FBXL5: variants seen among roughly 807,000 people sequenced by gnomAD.
The protein encoded by FBXL5 is F-box and leucine rich repeat protein 5, also known as F-box/LRR-repeat protein 5.
FBXL5 carries 26 observed loss-of-function variants against 78.3 expected under a neutral mutation model. That is an observed-to-expected ratio of 0.33 (90% CI 0.24 to 0.46). FBXL5 has a LOEUF of 0.46. Ranked by LOEUF, FBXL5 falls within the 20% of genes least tolerant of loss-of-function variation. FBXL5 has a pLI of 1.00. For missense variants in FBXL5, 710 were observed against 829.2 expected (o/e 0.86, Z 1.77); for synonymous variants, 295 against 282.5 (o/e 1.04, Z -0.45).
chr4:15,641,566 T>A (rs1020247187), intron 2 of FBXL5: 1 of 455,774 alleles, frequency 2.2e-6, no homozygotes, highest in Non-Finnish European at 4.4e-6. Context: ...ATATAATACA[T>A]GAAATAATTG....
rs995655210 is a variant in FBXL5 at position 15,625,477 on chromosome 4, G to A, written c.1625C>T (p.Ala542Val). The A allele has an allele frequency of 1.9e-6, 3 of 1,613,882 alleles. No homozygotes were observed. The highest frequency in any genetic ancestry group is 1.1e-5 in the South Asian group (1 of 91,058). ...AAATGAGTGACCACAATACGCAAAG[G>A]CTGGAGAAGCACAATGCTGCTGCCA... is the stretch of plus-strand genomic sequence containing the variant. Reference protein sequence around the residue: ...VCWQQHCASPAFAYCGHSFCC... With the variant: ...VCWQQHCASPVFAYCGHSFCC... The change falls in exon 9 of 11, where the codon GCC (alanine) becomes GTC (valine). Residue 542 changes from alanine (A) to valine (V), a missense_variant. Ala to Val is a moderately conservative substitution (Grantham distance 64). This residue lies in a region of FBXL5 where 517 missense variants were observed against 542.9 expected (regional missense o/e 0.95). Coordinates refer to ENST00000341285, the MANE Select transcript of FBXL5 (RefSeq NM_012161.4).
At chr4:15,680,387 G>C (rs1254914450) in intron 1 of FBXL5, among the ~76,000 whole-genome samples, 3 of 152,180 alleles carry the variant, frequency 2.0e-5, no homozygotes. Flanking sequence ...TCCAGTGGGA[G>C]AGGCTGGGTG....
intron 1 of FBXL5, among the ~76,000 whole-genome samples, chr4:15,679,100 C>T (rs1226298400): frequency 7.1e-6 from 1 of 141,626 alleles, no homozygotes; most frequent in Non-Finnish European, 1.5e-5. Flanking sequence ...GAGTCTCACT[C>T]TCACCAGGCT....
At position 15,625,812 on chromosome 4, in the gene FBXL5, C is replaced by G. The variant is rs77675463; in HGVS notation, c.1290G>C (p.Ala430=). The G allele has an allele frequency of 4.3e-6, 7 of 1,614,016 alleles. No homozygotes were observed. The highest frequency in any genetic ancestry group is 1.1e-5 in the South Asian group (1 of 91,072). Residue 430 remains alanine (A), a synonymous_variant, in exon 9 of 11, where the codon GCG becomes GCC. Coordinates refer to ENST00000341285, the MANE Select transcript of FBXL5 (RefSeq NM_012161.4). The part of the protein sequence containing the change: ...KTSTSKITST[A]WKNKDITMQS... ...GCATGGTAATGTCTTTATTTTTCCA[C>G]GCAGTTGAAGTAATTTTGCTTGTAG...
At chr4:15,680,842 G>A (rs73243135) in intron 1 of FBXL5, among the ~76,000 whole-genome samples, 13,943 of 150,014 alleles carry the variant, frequency 0.093, 791 homozygotes, top group Non-Finnish European at 0.13. Context: ...CCCTGTTTAA[G>A]GTAGAATTTA....
chr4:15,655,170 A>G (rs1283138082), intron 1 of FBXL5, 34 bp downstream of exon 1: 1 of 1,362,214 alleles, frequency 7.3e-7, no homozygotes, highest in South Asian at 1.4e-5. Context: ...CGCCGCCCGC[A>G]CCGCCCACAG....
At chr4:15,612,924 A>G (rs925319769) in intron 9 of FBXL5, among the ~76,000 whole-genome samples, 6 of 152,232 alleles carry the variant, frequency 3.9e-5, no homozygotes, top group African/African-American at 9.6e-5. Flanking sequence ...AGCATTATTC[A>G]TAACAGTTAG....
chr4:15,679,557 A>G (rs1379196644), intron 1 of FBXL5, among the ~76,000 whole-genome samples: 2 of 131,570 alleles, frequency 1.5e-5, no homozygotes, highest in African/African-American at 5.7e-5. Context: ...GGTACAGTTC[A>G]GGAACAAAAA....
chr4:15,614,524 T>C (rs1033306716), intron 9 of FBXL5, among the ~76,000 whole-genome samples: 8 of 152,104 alleles, frequency 5.3e-5, no homozygotes, highest in African/African-American at 1.4e-4. Context: ...GGCAGGGCCA[T>C]AGAGCTCCCA....
chr4:15,607,434 T>C (rs1266969894), intron 10 of FBXL5, among the ~76,000 whole-genome samples: 1 of 152,178 alleles, frequency 6.6e-6, no homozygotes, highest in East Asian at 1.9e-4. Context: ...TTTGTTAAAA[T>C]TATTTTCCCT....
At chr4:15,634,021 A>G (rs1713965112) in intron 5 of FBXL5, among the ~76,000 whole-genome samples, 1 of 152,172 alleles carries the variant, frequency 6.6e-6, no homozygotes. Flanking sequence ...GTGCTTAGCA[A>G]CAACCCTGGC....
chr4:15,661,092 T>G (rs1212148529), upstream of FBXL5, among the ~76,000 whole-genome samples: 1 of 151,728 alleles, frequency 6.6e-6, no homozygotes, highest in Non-Finnish European at 1.5e-5. Flanking sequence ...AAAAAAAAAG[T>G]TAGGTAACCT....
chr4:15,667,134 G>T (rs1717580579), intron 1 of FBXL5, among the ~76,000 whole-genome samples: 1 of 152,124 alleles, frequency 6.6e-6, no homozygotes, highest in Non-Finnish European at 1.5e-5. Context: ...CACCTTTAAT[G>T]ATTTGAATCA....
intron 1 of FBXL5, among the ~76,000 whole-genome samples, chr4:15,681,085 G>A (rs1036032638): frequency 6.6e-6 from 1 of 151,808 alleles, no homozygotes; most frequent in African/African-American, 2.4e-5. Context: ...TTAGAGGACA[G>A]AAATATACAT....
At chr4:15,634,830 G>A (rs1005172229) in intron 5 of FBXL5, among the ~76,000 whole-genome samples, 1 of 152,034 alleles carries the variant, frequency 6.6e-6, no homozygotes, top group Non-Finnish European at 1.5e-5. Flanking sequence ...ATCAAATCGT[G>A]ACATAATTCT....
intron 1 of FBXL5, among the ~76,000 whole-genome samples, chr4:15,648,479 C>A (rs1715600238): frequency 6.6e-6 from 1 of 152,110 alleles, no homozygotes; most frequent in South Asian, 2.1e-4. Flanking sequence ...ATGGAGCCAA[C>A]CTGAGTGCTT....
In FBXL5 at chr4:15,626,046, G is replaced by T. The variant is rs903543841; in HGVS notation, c.1125-69C>A. The T allele has an allele frequency of 2.7e-5, 37 of 1,346,364 alleles. No homozygotes were observed. In the African/African-American group the frequency reaches 4.7e-4, roughly 17 times the overall value. 83.4% of individuals were successfully genotyped at this position (1,346,364 alleles called of 1,614,324 possible). A position where few individuals can be genotyped will look rare whatever the true frequency, so the allele number is the denominator to read the frequency against. ...TTCAAAAGCATTTGACTATATGCAT[G>T]TAGATGAAAACCAGAAGAAAGATTT... On this transcript the variant is annotated intron_variant, in intron 8 of 10. Coordinates refer to ENST00000341285, the MANE Select transcript of FBXL5 (RefSeq NM_012161.4).
Position 15,681,549 on chromosome 4 carries a change from T to C in FBXL5, c.-450A>G, listed in dbSNP as rs1028751801. On this transcript the variant is annotated 5_prime_UTR_variant, in exon 1 of 5. Coordinates refer to the FBXL5 transcript ENST00000507899. The stretch of plus-strand genomic sequence containing the variant: ...AGCTCAGAGGCAGAGTTCTCCGCGG[T>C]GTCTCCTAGGGTTTCTTGTCAGAGG... 6 of 154,886 alleles carry C rather than the reference T, an allele frequency of 3.9e-5. No individual in the cohort carries two copies. In the Admixed American group the frequency reaches 3.9e-4, roughly 10 times the overall value. The allele number at this position is 154,886 out of a possible 1,614,324, so 9.6% of individuals were successfully genotyped here.
rs144227506 is a variant in FBXL5, at chr4:15,654,415, T to G, written c.84+789A>C. 9.9e-3 allele frequency among the ~76,000 whole-genome samples: 1,508 copies of G among 152,362 alleles called. 13 individuals carry two copies. Among genetic ancestry groups the G allele is most frequent in the Non-Finnish European group, 0.016 (1,093 of 68,040 alleles). On this transcript the variant is annotated intron_variant, in intron 1 of 10. Coordinates refer to ENST00000341285, the MANE Select transcript of FBXL5 (RefSeq NM_012161.4). Reference sequence around the variant, plus strand: ...ACAAAAGTGCCTCTTCAGCTTATGCTGCACCAATTATGGGCCCAAAATGGT... The same window carrying G: ...ACAAAAGTGCCTCTTCAGCTTATGCGGCACCAATTATGGGCCCAAAATGGT...
Sources: allele counts gnomAD v4.1 joint callset (sites outside exome capture counted in the v4.1 genomes callset), GRCh38; gene constraint gnomAD v4.1.1; regional missense constraint gnomAD v4.1.1; transcripts MANE v1.5; gene names NCBI Gene and HGNC (gene_info 2026-07-23, HGNC 2026-07-21).